PLPPR1: variants seen among roughly 807,000 people sequenced by gnomAD.
The protein encoded by PLPPR1 is phospholipid phosphatase-related protein type 1.
PLPPR1 carries 10 observed loss-of-function variants against 33.1 expected under a neutral mutation model. The ratio of observed to expected loss-of-function variants is 0.30; its 90% CI spans 0.19 to 0.51. The LOEUF (loss-of-function observed/expected upper bound fraction) is 0.51, where lower values mean the gene tolerates loss of function less well. PLPPR1 is among the 20% of genes least tolerant of loss of function. The pLI, the probability that PLPPR1 is intolerant of heterozygous loss-of-function variation, is 0.97. For missense variants in PLPPR1, 304 were observed against 408.1 expected, an observed-to-expected ratio of 0.74 and a Z score of 2.20; for synonymous variants, 151 against 151.0, an observed-to-expected ratio of 1.00 and a Z score of 0.00.
intron 2 of PLPPR1, among the ~76,000 whole-genome samples, chr9:101,191,280 A>AT (rs1407657160): frequency 1.3e-5 from 2 of 152,106 alleles, no homozygotes; most frequent in Non-Finnish European, 2.9e-5. Context: ...GAGGACATCT[A>AT]TTTTCTCATC....
rs372766084 is a variant in PLPPR1, at chr9:101,183,410, C to T, written c.-45-2040C>T. On this transcript the variant is annotated intron_variant, in intron 1 of 7. Coordinates refer to ENST00000374874, the MANE Select transcript of PLPPR1 (RefSeq NM_207299.2). ...GTGAAGAAATGCAGAAATAAGAGGT[C>T]GTGTATTATATTATTCTATTCATTT... is the stretch of plus-strand genomic sequence containing the variant. Among the ~76,000 whole-genome samples the T allele has an allele frequency of 4.6e-5, 7 of 151,486 alleles. No individual in the cohort carries two copies. The East Asian group carries it at 7.7e-4, about 17-fold the overall frequency.
intron 2 of PLPPR1, among the ~76,000 whole-genome samples, chr9:101,265,887 T>C (rs968972694): frequency 1.3e-5 from 2 of 151,616 alleles, no homozygotes; most frequent in Non-Finnish European, 2.9e-5. Context: ...TCCCAGCTAC[T>C]CAGGAGGCTG....
chr9:101,170,203 T>C (rs889907830), intron 1 of PLPPR1, among the ~76,000 whole-genome samples: 1 of 151,680 alleles, frequency 6.6e-6, no homozygotes, highest in Non-Finnish European at 1.5e-5. Context: ...TCCAGAAAAA[T>C]AAAGATATGA....
At chr9:101,117,720 T>C (rs1831132891) in intron 1 of PLPPR1, among the ~76,000 whole-genome samples, 1 of 149,052 alleles carries the variant, frequency 6.7e-6, no homozygotes, top group South Asian at 2.1e-4. Context: ...CTTAGGCAAA[T>C]AGTTTAATTT....
intron 2 of PLPPR1, among the ~76,000 whole-genome samples, chr9:101,259,822 TTG>T (rs1305085979): frequency 6.6e-6 from 1 of 152,106 alleles, no homozygotes; most frequent in Non-Finnish European, 1.5e-5. Context: ...AGACAAATGG[TTG>T]CATTCTTTTG....
intron 6 of PLPPR1, among the ~76,000 whole-genome samples, chr9:101,313,341 G>A (rs1028923002): frequency 3.3e-5 from 5 of 152,162 alleles, no homozygotes; most frequent in African/African-American, 1.2e-4. Context: ...CAAAAGCTAA[G>A]TGTTCCTTGA....
At chr9:101,294,264 T>A (rs1410512034) in intron 4 of PLPPR1, among the ~76,000 whole-genome samples, 8 of 151,698 alleles carry the variant, frequency 5.3e-5, no homozygotes, top group African/African-American at 1.5e-4. Context: ...AGAAGTTGAA[T>A]CTCTGAATAG....
intron 2 of PLPPR1, among the ~76,000 whole-genome samples, chr9:101,239,695 G>A (rs1457163276): frequency 6.6e-6 from 1 of 151,814 alleles, no homozygotes; most frequent in East Asian, 1.9e-4. Flanking sequence ...TGTACCTCTT[G>A]GCCATTGGTA....
intron 1 of PLPPR1, among the ~76,000 whole-genome samples, chr9:101,093,524 C>T (rs1419435808): frequency 6.6e-6 from 1 of 152,190 alleles, no homozygotes; most frequent in African/African-American, 2.4e-5. Context: ...TCTGCCTATT[C>T]AGAAGTCATG....
At chr9:101,245,709 C>T (rs1827581322) in intron 2 of PLPPR1, among the ~76,000 whole-genome samples, 1 of 151,814 alleles carries the variant, frequency 6.6e-6, no homozygotes, top group Non-Finnish European at 1.5e-5. Flanking sequence ...AAAAAAGTTA[C>T]TTGTCTGATC....
intron 4 of PLPPR1, among the ~76,000 whole-genome samples, chr9:101,304,109 A>G (rs1219172606): frequency 1.3e-5 from 2 of 152,222 alleles, no homozygotes; most frequent in East Asian, 3.8e-4. Flanking sequence ...CCAATTCATG[A>G]GACACTTATA....
rs575581562 is a variant in PLPPR1, at chr9:101,304,602, G to A, written c.386-4609G>A. Among the ~76,000 whole-genome samples the A allele has an allele frequency of 6.6e-5, 10 of 152,262 alleles. No homozygotes were observed. The South Asian group carries it at 8.3e-4, about 13-fold the overall frequency. ...AAAATAGGAGATTTTTCCAACATCCGATGTGATCTGTGATTATTTCTCCCT... is the reference window on the plus strand; with the variant it reads ...AAAATAGGAGATTTTTCCAACATCCAATGTGATCTGTGATTATTTCTCCCT... On this transcript the variant is annotated intron_variant, in intron 4 of 7. Transcript: ENST00000374874.
intron 7 of PLPPR1, among the ~76,000 whole-genome samples, chr9:101,319,139 T>C (rs115226983): frequency 1.3e-5 from 2 of 152,192 alleles, no homozygotes; most frequent in African/African-American, 4.8e-5. Flanking sequence ...ATTTAACGAT[T>C]ATTAACTATG....
intron 1 of PLPPR1, among the ~76,000 whole-genome samples, chr9:101,073,297 C>T (rs1216466130): frequency 6.6e-6 from 1 of 152,070 alleles, no homozygotes; most frequent in Non-Finnish European, 1.5e-5. Flanking sequence ...GGCAGCTGTG[C>T]ACAGCATGTG....
At chr9:101,247,034 T>C (rs1443297185) in intron 2 of PLPPR1, among the ~76,000 whole-genome samples, 1 of 151,942 alleles carries the variant, frequency 6.6e-6, no homozygotes, top group Non-Finnish European at 1.5e-5. Flanking sequence ...AAGTCACTCT[T>C]CCTATTTAGT....
intron 1 of PLPPR1, among the ~76,000 whole-genome samples, chr9:101,139,027 C>G (rs1831413196): frequency 6.6e-6 from 1 of 152,082 alleles, no homozygotes; most frequent in Admixed American, 6.6e-5. Context: ...TAACTATTTA[C>G]TTAATGCTTT....
At chr9:101,091,910 G>T (rs1370076025) in intron 1 of PLPPR1, among the ~76,000 whole-genome samples, 1 of 152,090 alleles carries the variant, frequency 6.6e-6, no homozygotes, top group African/African-American at 2.4e-5. Context: ...CTCCTAACTG[G>T]CCTCCCAGCT....
intron 1 of PLPPR1, among the ~76,000 whole-genome samples, chr9:101,063,046 A>T (rs1365017504): frequency 6.6e-6 from 1 of 152,056 alleles, no homozygotes; most frequent in Non-Finnish European, 1.5e-5. Flanking sequence ...AGGGGTGAGA[A>T]GCCTGACATA....
At chr9:101,111,074 A>G (rs1169797333) in intron 1 of PLPPR1, among the ~76,000 whole-genome samples, 1 of 152,068 alleles carries the variant, frequency 6.6e-6, no homozygotes, top group Non-Finnish European at 1.5e-5. Flanking sequence ...TTAGATGATG[A>G]CCCTTGGAAA....
Sources: gnomAD v4.1 joint callset for allele counts (sites outside exome capture counted in the v4.1 genomes callset) on GRCh38, gnomAD v4.1.1 for gene constraint, MANE v1.5 for transcripts, NCBI Gene and HGNC (gene_info 2026-07-23, HGNC 2026-07-21) for gene names.